Variants in BMPR1A observed in about 807,000 individuals in gnomAD.
BMPR1A encodes bone morphogenetic protein receptor type 1A.
A neutral mutation model predicts 66.0 loss-of-function variants in BMPR1A; 7 were observed. That is an observed-to-expected ratio of 0.11 (90% CI 0.06 to 0.20). The LOEUF (loss-of-function observed/expected upper bound fraction) is 0.20, where lower values mean the gene tolerates loss of function less well. Among genes scored for constraint, BMPR1A ranks in the 10% least tolerant of loss-of-function variants. The pLI is 1.00. For missense variants in BMPR1A, 408 were observed against 669.1 expected (o/e 0.61, Z 4.31); for synonymous variants, 200 against 229.7 (o/e 0.87, Z 1.17).
chr10:86,840,696 A>G (rs773487943), intron 2 of BMPR1A, among the ~76,000 whole-genome samples: 3 of 152,120 alleles, frequency 2.0e-5, no homozygotes, highest in Non-Finnish European at 2.9e-5. Flanking sequence ...TATCTAGCAC[A>G]TCATTCATCA....
chr10:86,906,425 AC>A (rs1366878282), intron 7 of BMPR1A, among the ~76,000 whole-genome samples: 1 of 138,596 alleles, frequency 7.2e-6, no homozygotes, highest in Non-Finnish European at 1.5e-5. Context: ...TTTTTAAAAC[AC>A]TTTGTCCTTT....
chr10:86,833,257 T>A (rs993696641), intron 1 of BMPR1A, among the ~76,000 whole-genome samples: 3 of 152,226 alleles, frequency 2.0e-5, no homozygotes, highest in African/African-American at 7.2e-5. Context: ...TTAATGGCTG[T>A]ATAGTGTATC....
chr10:86,769,994 G>C (rs1391507445), intron 1 of BMPR1A, among the ~76,000 whole-genome samples: 1 of 152,108 alleles, frequency 6.6e-6, no homozygotes, highest in Non-Finnish European at 1.5e-5. Flanking sequence ...AAAGTAGTTG[G>C]AAGAGGGTGA....
intron 5 of BMPR1A, 83 bp downstream of exon 5, chr10:86,892,312 G>T: frequency 9.5e-7 from 1 of 1,051,686 alleles, no homozygotes; most frequent in South Asian, 1.3e-5. Context: ...AAACATGCCT[G>T]GTGTACACAT....
chr10:86,799,506 CTTTCTT>C (rs1489926641), intron 1 of BMPR1A, among the ~76,000 whole-genome samples: 9 of 64,478 alleles, frequency 1.4e-4, no homozygotes, highest in African/African-American at 3.8e-4. Flanking sequence ...TCCTTCCTTC[CTTTCTT>C]TTCTTTTCTT....
chr10:86,890,738 A>C (rs12259616), intron 4 of BMPR1A, among the ~76,000 whole-genome samples: 1 of 152,060 alleles, frequency 6.6e-6, no homozygotes, highest in East Asian at 1.9e-4. Context: ...CTGGCCTCCT[A>C]CTTCTTAATT....
intron 10 of BMPR1A, 59 bp from the exon 11 acceptor site, chr10:86,921,461 C>T (rs1226921495): frequency 5.0e-6 from 8 of 1,600,046 alleles, no homozygotes; most frequent in Non-Finnish European, 6.8e-6. Context: ...GACAAAAATA[C>T]AAGATAAACT....
chr10:86,896,116 T>G (rs1843220677), intron 5 of BMPR1A, among the ~76,000 whole-genome samples: 1 of 149,542 alleles, frequency 6.7e-6, no homozygotes, highest in South Asian at 2.1e-4. Context: ...ATAGCACCAC[T>G]GCACTCTAGC....
chr10:86,757,500 C>T (rs1486214425), intron 1 of BMPR1A, among the ~76,000 whole-genome samples: 2 of 152,120 alleles, frequency 1.3e-5, no homozygotes, highest in Non-Finnish European at 2.9e-5. Context: ...ATTGCCTGGA[C>T]CCTTTTTTCT....
chr10:86,920,678 G>T (rs1843648660), intron 10 of BMPR1A, among the ~76,000 whole-genome samples: 1 of 151,972 alleles, frequency 6.6e-6, no homozygotes, highest in South Asian at 2.1e-4. Context: ...TGTAAACATT[G>T]CTAACAACAG....
intron 1 of BMPR1A, among the ~76,000 whole-genome samples, chr10:86,810,160 T>A (rs1841949564): frequency 6.6e-6 from 1 of 151,970 alleles, no homozygotes; most frequent in Admixed American, 6.6e-5. Context: ...TATTATTTTT[T>A]AGTAGAGACA....
Position 86,784,888 on chromosome 10 carries a change from GT to G in BMPR1A, c.-268+27978del, listed in dbSNP as rs534258969. On this transcript the variant is annotated intron_variant, in intron 1 of 12. Coordinates refer to ENST00000372037, the MANE Select transcript of BMPR1A (RefSeq NM_004329.3). ...TTCTGATTTTAATTATTTGAGTCTTGTTTTTTTTTCTTAAATCTGGCTAAGG... is the reference window on the plus strand; with the variant it reads ...TTCTGATTTTAATTATTTGAGTCTTGTTTTTTTTCTTAAATCTGGCTAAGG... Among the ~76,000 whole-genome samples, 282 of 149,374 alleles carry G rather than the reference GT, an allele frequency of 1.9e-3. 2 individuals carry two copies. Among genetic ancestry groups the G allele is most frequent in the African/African-American group, 5.7e-3 (234 of 40,726 alleles).
intron 2 of BMPR1A, among the ~76,000 whole-genome samples, chr10:86,867,012 A>G (rs1236131831): frequency 1.3e-5 from 2 of 152,222 alleles, no homozygotes; most frequent in Non-Finnish European, 1.5e-5. Flanking sequence ...CTAAGCAGGT[A>G]CCATTAAATA....
intron 1 of BMPR1A, among the ~76,000 whole-genome samples, chr10:86,812,356 C>G (rs1255830231): frequency 6.6e-6 from 1 of 152,088 alleles, no homozygotes; most frequent in East Asian, 1.9e-4. Context: ...AGTGTTGTCC[C>G]TTTCTGTGGT....
At chr10:86,820,623 C>T (rs1289132393) in intron 1 of BMPR1A, among the ~76,000 whole-genome samples, 1 of 152,178 alleles carries the variant, frequency 6.6e-6, no homozygotes, top group African/African-American at 2.4e-5. Context: ...TCAAAACAAA[C>T]CAGCAAAACC....
intron 4 of BMPR1A, among the ~76,000 whole-genome samples, chr10:86,891,339 G>A (rs1843148026): frequency 6.6e-6 from 1 of 152,134 alleles, no homozygotes; most frequent in Middle Eastern, 3.2e-3. Flanking sequence ...GTAACCCAGA[G>A]TAAAACTGAA....
chr10:86,856,790 C>T (rs574046339), intron 2 of BMPR1A, among the ~76,000 whole-genome samples: 32 of 152,194 alleles, frequency 2.1e-4, no homozygotes, highest in Non-Finnish European at 3.5e-4. Context: ...TTTGGTGGTC[C>T]CCAGACCACC....
chr10:86,917,041 C>T (rs1233522685), intron 8 of BMPR1A, 93 bp from the exon 9 acceptor site: 3 of 1,376,330 alleles, frequency 2.2e-6, no homozygotes, highest in South Asian at 1.2e-5. Context: ...TGGTTGGGTA[C>T]ACCATGCTTT....
At chr10:86,921,183 C>G (rs1843658218) in intron 10 of BMPR1A, among the ~76,000 whole-genome samples, 1 of 152,094 alleles carries the variant, frequency 6.6e-6, no homozygotes, top group African/African-American at 2.4e-5. Context: ...GTGTTGTCCT[C>G]TTTCTTAGAC....
Sources: gnomAD v4.1 joint callset for allele counts (sites outside exome capture counted in the v4.1 genomes callset) on GRCh38, gnomAD v4.1.1 for gene constraint, MANE v1.5 for transcripts, NCBI Gene and HGNC (gene_info 2026-07-23, HGNC 2026-07-21) for gene names.